RNF24: variants seen among roughly 807,000 people sequenced by gnomAD.
RNF24 encodes the protein ring finger protein 24.
In RNF24, 14 loss-of-function variants were observed where a neutral mutation model predicts 20.0. The ratio of observed to expected loss-of-function variants is 0.70; its 90% CI spans 0.46 to 1.10. The LOEUF (loss-of-function observed/expected upper bound fraction) is 1.10, where lower values mean the gene tolerates loss of function less well. RNF24 is among the 50% of genes least tolerant of loss of function. The pLI, the probability that RNF24 is intolerant of heterozygous loss-of-function variation, is 0.00. For missense variants in RNF24, 124 were observed against 177.6 expected, an observed-to-expected ratio of 0.70 and a Z score of 1.71; for synonymous variants, 45 against 61.1, an observed-to-expected ratio of 0.74 and a Z score of 1.23.
chr20:4,006,319 A>G (rs1332360598), intron 1 of RNF24, among the ~76,000 whole-genome samples: 1 of 152,086 alleles, frequency 6.6e-6, no homozygotes, highest in East Asian at 1.9e-4. Flanking sequence ...CGGTGAGCAG[A>G]AAGAGCACCA....
intron 1 of RNF24, among the ~76,000 whole-genome samples, chr20:3,980,235 A>G (rs1209192742): frequency 6.6e-6 from 1 of 152,224 alleles, no homozygotes; most frequent in Non-Finnish European, 1.5e-5. Context: ...ATGAAAGTGG[A>G]ACTCGCTAAA....
intron 2 of RNF24, among the ~76,000 whole-genome samples, chr20:3,953,049 C>G (rs1035814406): frequency 2.6e-5 from 4 of 152,174 alleles, no homozygotes; most frequent in African/African-American, 9.7e-5. Flanking sequence ...CACTTTTATT[C>G]TCTGGAAGTG....
At chr20:4,014,739 G>GCGCACACACACACACACACA (rs1555804206) in intron 1 of RNF24, among the ~76,000 whole-genome samples, 6 of 143,670 alleles carry the variant, frequency 4.2e-5, no homozygotes, top group African/African-American at 1.0e-4. Flanking sequence ...ACTTGAATGC[G>GCGCACACACACACACACACA]CACACACACA....
At chr20:3,980,563 C>T (rs1253142607) in intron 1 of RNF24, among the ~76,000 whole-genome samples, 1 of 152,072 alleles carries the variant, frequency 6.6e-6, no homozygotes, top group African/African-American at 2.4e-5. Context: ...TACAGTTGAC[C>T]ATGAGTAACT....
At chr20:3,952,706 T>A (rs2091095474) in intron 2 of RNF24, among the ~76,000 whole-genome samples, 1 of 152,112 alleles carries the variant, frequency 6.6e-6, no homozygotes, top group East Asian at 1.9e-4. Flanking sequence ...TTTTTGTAGA[T>A]ACTCTTTCAA....
rs777139921 is a variant in RNF24 at position 3,948,328 on chromosome 20, A to T, written c.144-49T>A. 3 of 1,306,282 alleles carry T rather than the reference A, an allele frequency of 2.3e-6. No homozygotes were observed. In the East Asian group the frequency reaches 7.2e-5, roughly 31 times the overall value. The allele number at this position is 1,306,282 out of a possible 1,614,324, so 80.9% of individuals were successfully genotyped here. A position where few individuals can be genotyped will look rare whatever the true frequency, so the allele number is the denominator to read the frequency against. ...CAATATTGAGATTTCCAACATAGTA[A>T]CTTGAAGAAAAATAAAAAGTTGCTG... is the stretch of plus-strand genomic sequence containing the variant. On this transcript the variant is annotated intron_variant, in intron 2 of 5. Coordinates refer to ENST00000358395, the MANE Select transcript of RNF24 (RefSeq NM_001134337.3).
intron 1 of RNF24, among the ~76,000 whole-genome samples, chr20:3,995,360 A>C (rs1225821560): frequency 2.6e-5 from 4 of 152,230 alleles, no homozygotes; most frequent in Non-Finnish European, 4.4e-5. Context: ...CCTGAACCAC[A>C]AGTGGACTCC....
At chr20:3,973,516 AAAAAAAAAAG>A (rs1978572373) in intron 1 of RNF24, among the ~76,000 whole-genome samples, 1 of 150,680 alleles carries the variant, frequency 6.6e-6, no homozygotes, top group Non-Finnish European at 1.5e-5. Flanking sequence ...AAAAAAAAAA[AAAAAAAAAAG>A]AGAAGACACA....
intron 1 of RNF24, among the ~76,000 whole-genome samples, chr20:3,969,387 A>T (rs889549411): frequency 3.3e-5 from 5 of 152,052 alleles, no homozygotes. Flanking sequence ...CACACTAACT[A>T]GGGACCTGGG....
chr20:3,971,019 TACA>T (rs903228511), intron 1 of RNF24, among the ~76,000 whole-genome samples: 24 of 152,186 alleles, frequency 1.6e-4, no homozygotes, highest in African/African-American at 5.1e-4. Flanking sequence ...CAAAGAAATC[TACA>T]ACAAGACACA....
chr20:4,015,110 G>C (rs1982787906), intron 1 of RNF24: 1 of 152,568 alleles, frequency 6.6e-6, no homozygotes, highest in Admixed American at 6.5e-5. Context: ...CGATGCCAGG[G>C]CTTGGGCGAG....
chr20:3,930,247 A>C lies in RNF24; in HGVS notation c.*3816T>G, dbSNP rs2146926881. 6.6e-6 allele frequency: 1 copy of C among 152,356 alleles called. No individual in the cohort carries two copies. The highest frequency in any genetic ancestry group is 2.1e-4 in the South Asian group (1 of 4,830). 9.4% of individuals were successfully genotyped at this position (152,356 alleles called of 1,614,324 possible). On this transcript the variant is annotated 3_prime_UTR_variant, in exon 6 of 6. Transcript: ENST00000358395. Reference sequence around the variant, plus strand: ...AGAAATATTCAGCACTGAACAACCAAGTCAGAGTTCACTGTGGGCAAAGGC... The same window carrying C: ...AGAAATATTCAGCACTGAACAACCACGTCAGAGTTCACTGTGGGCAAAGGC...
At chr20:3,999,867 C>A (rs758137391) in intron 1 of RNF24, among the ~76,000 whole-genome samples, 22 of 152,096 alleles carry the variant, frequency 1.4e-4, no homozygotes, top group Non-Finnish European at 1.3e-4. Context: ...CATGGATGAA[C>A]CTTGAAAACA....
chr20:3,949,867 A>C (rs553070133), intron 2 of RNF24, among the ~76,000 whole-genome samples: 3 of 152,320 alleles, frequency 2.0e-5, no homozygotes, highest in Admixed American at 6.5e-5. Context: ...TGCCTATCCC[A>C]AAACTATGAA....
chr20:3,933,917 A>G lies in RNF24; in HGVS notation c.*146T>C, dbSNP rs2090857688. 1.4e-6 allele frequency: 1 copy of G among 724,410 alleles called. No individual in the cohort carries two copies. The allele number at this position is 724,410 out of a possible 1,614,324, so 44.9% of individuals were successfully genotyped here. The stretch of plus-strand genomic sequence containing the variant: ...ACAAGACCCAGACACCTAGGTTCCC[A>G]GTTTGGCTGGCCCAAGAGTTCTTCA... On this transcript the variant is annotated 3_prime_UTR_variant, in exon 6 of 6. Coordinates refer to ENST00000358395, the MANE Select transcript of RNF24 (RefSeq NM_001134337.3).
chr20:3,977,267 A>G (rs1978944384), intron 1 of RNF24, among the ~76,000 whole-genome samples: 1 of 152,218 alleles, frequency 6.6e-6, no homozygotes, highest in Admixed American at 6.5e-5. Flanking sequence ...CGGGGAGAAG[A>G]AAGTTAAGTT....
intron 1 of RNF24, among the ~76,000 whole-genome samples, chr20:3,970,449 G>A (rs564219364): frequency 1.1e-4 from 17 of 152,206 alleles, no homozygotes; most frequent in African/African-American, 2.9e-4. Flanking sequence ...ATTACTCATC[G>A]TACCAAGACT....
chr20:3,985,895 C>T (rs1041012664), intron 1 of RNF24, among the ~76,000 whole-genome samples: 2 of 151,936 alleles, frequency 1.3e-5, no homozygotes, highest in African/African-American at 2.4e-5. Context: ...TGTGCCACCA[C>T]GCCCGGCTAA....
chr20:3,937,635 C>A (rs564034104), intron 4 of RNF24, among the ~76,000 whole-genome samples: 9 of 148,064 alleles, frequency 6.1e-5, no homozygotes, highest in Non-Finnish European at 1.2e-4. Flanking sequence ...TCTCTGGCAA[C>A]CAACCACTAA....
Sources: allele counts gnomAD v4.1 joint callset (sites outside exome capture counted in the v4.1 genomes callset), GRCh38; gene constraint gnomAD v4.1.1; transcripts MANE v1.5; gene names NCBI Gene and HGNC (gene_info 2026-07-23, HGNC 2026-07-21).